Variants in CACNA1B observed in about 807,000 individuals in gnomAD.
CACNA1B encodes the protein voltage-dependent N-type calcium channel subunit alpha-1B.
A neutral mutation model predicts 247.2 loss-of-function variants in CACNA1B; 70 were observed. The ratio of observed to expected loss-of-function variants is 0.28; its 90% confidence interval spans 0.23 to 0.35. The LOEUF is 0.35. Ranked by LOEUF, CACNA1B falls within the 10% of genes least tolerant of loss-of-function variation. The pLI is 1.00. For missense variants in CACNA1B, 2,367 were observed against 3,197.4 expected, an observed-to-expected ratio of 0.74 and a Z score of 6.26; for synonymous variants, 1,231 against 1,294.4, an observed-to-expected ratio of 0.95 and a Z score of 1.05.
In CACNA1B at chr9:138,023,163, C is replaced by A; in HGVS notation, c.2420C>A (p.Pro807His). Reference sequence around the variant, plus strand: ...TTCGCCACTACGCGCCACCTGCGGCCCGACATGAAGACGCACCTGGACCGG... The same window carrying A: ...TTCGCCACTACGCGCCACCTGCGGCACGACATGAAGACGCACCTGGACCGG... ...LRFATTRHLR[P>H]DMKTHLDRPL... The change falls in exon 19 of 47, where the codon CCC becomes CAC. Residue 807 changes from proline to histidine, a missense_variant. By Grantham distance (77) the Pro-to-His change is moderately conservative. Coordinates refer to ENST00000371372, the MANE Select transcript of CACNA1B (RefSeq NM_000718.4). 6.5e-7 allele frequency: 1 copy of A among 1,535,072 alleles called. No homozygotes were observed. The highest frequency in any genetic ancestry group is 8.7e-7 in the Non-Finnish European group (1 of 1,148,726).
chr9:138,095,142 G>A (rs531824306), intron 36 of CACNA1B, among the ~76,000 whole-genome samples: 19 of 152,236 alleles, frequency 1.2e-4, no homozygotes, highest in South Asian at 2.1e-4. Flanking sequence ...ATTTTTGTAC[G>A]TCAAAGGACA....
At chr9:137,963,266 A>G (rs1474142423) in intron 10 of CACNA1B, among the ~76,000 whole-genome samples, 2 of 152,118 alleles carry the variant, frequency 1.3e-5, no homozygotes, top group African/African-American at 4.8e-5. Flanking sequence ...TTTTGAGCCC[A>G]TGTGTGTCTT....
intron 9 of CACNA1B, 68 bp downstream of exon 9, chr9:137,956,895 G>A: frequency 1.5e-6 from 2 of 1,316,454 alleles, no homozygotes; most frequent in Non-Finnish European, 2.2e-6. Context: ...GGTGACACGT[G>A]CCTGCTTGCA....
intron 32 of CACNA1B, among the ~76,000 whole-genome samples, chr9:138,070,498 C>A (rs975081410): frequency 1.3e-5 from 2 of 152,212 alleles, no homozygotes; most frequent in Non-Finnish European, 2.9e-5. Flanking sequence ...GCTGGGTCTT[C>A]AGGAATTTTA....
intron 3 of CACNA1B, among the ~76,000 whole-genome samples, chr9:137,894,833 T>C (rs1957155184): frequency 6.6e-6 from 1 of 152,222 alleles, no homozygotes; most frequent in African/African-American, 2.4e-5. Flanking sequence ...TGTAGCTTTT[T>C]TCTCCCATTT....
At chr9:137,879,904 C>G (rs1044267083) in intron 2 of CACNA1B, among the ~76,000 whole-genome samples, 4 of 152,148 alleles carry the variant, frequency 2.6e-5, no homozygotes, top group Non-Finnish European at 1.5e-5. Flanking sequence ...AGCCCCCACT[C>G]TTCCCTGATG....
At chr9:138,048,749 C>T (rs1418297494) in intron 23 of CACNA1B, among the ~76,000 whole-genome samples, 2 of 152,204 alleles carry the variant, frequency 1.3e-5, no homozygotes, top group Admixed American at 6.5e-5. Flanking sequence ...CAGGGTCTCA[C>T]TCTTGTCATC....
chr9:138,041,284 G>T (rs1166884342), intron 20 of CACNA1B, among the ~76,000 whole-genome samples: 1 of 152,148 alleles, frequency 6.6e-6, no homozygotes, highest in Non-Finnish European at 1.5e-5. Context: ...CCTCAGTTCA[G>T]CCTCAGTTTC....
intron 15 of CACNA1B, among the ~76,000 whole-genome samples, chr9:137,999,968 G>A (rs1381413264): frequency 6.6e-6 from 1 of 151,958 alleles, no homozygotes; most frequent in African/African-American, 2.4e-5. Flanking sequence ...GACTGATCAA[G>A]GGAAAAAAGC....
rs1958874060 is a variant in CACNA1B at position 138,023,336 on chromosome 9, G to A, written c.2593G>A (p.Asp865Asn). ...RDKDKTPAAG[D>N]QDRAEAPKAE... is the part of the protein sequence containing the mutation. ...CAAGGACAAGACCCCCGCGGCGGGG[G>A]ACCAGGACCGAGCAGAGGCCCCGAA... The change falls in exon 19 of 47, where the codon GAC becomes AAC. Residue 865 changes from aspartate to asparagine, a missense_variant. By Grantham distance (23) the Asp-to-Asn change is conservative. Coordinates refer to ENST00000371372, the MANE Select transcript of CACNA1B (RefSeq NM_000718.4). 2.7e-6 allele frequency: 4 copies of A among 1,486,018 alleles called. No homozygotes were observed. Among genetic ancestry groups the A allele is most frequent in the African/African-American group, 1.5e-5 (1 of 68,132 alleles). 92.1% of individuals were successfully genotyped at this position (1,486,018 alleles called of 1,614,324 possible). A position where few individuals can be genotyped will look rare whatever the true frequency, so the allele number is the denominator to read the frequency against.
intron 3 of CACNA1B, among the ~76,000 whole-genome samples, chr9:137,889,469 G>A (rs34859525): frequency 0.075 from 10,998 of 146,400 alleles, 1,290 homozygotes; most frequent in Admixed American, 0.13. Flanking sequence ...GAGAGCCCCC[G>A]TGTTCTGGGG....
chr9:138,005,871 G>A (rs926246210), intron 15 of CACNA1B, among the ~76,000 whole-genome samples: 2 of 151,950 alleles, frequency 1.3e-5, no homozygotes, highest in African/African-American at 2.4e-5. Context: ...GTGAAACCCC[G>A]TCTCTACTAA....
At chr9:138,042,769 C>T (rs1480674534) in intron 20 of CACNA1B, among the ~76,000 whole-genome samples, 1 of 152,182 alleles carries the variant, frequency 6.6e-6, no homozygotes, top group African/African-American at 2.4e-5. Flanking sequence ...TCATGCTCAC[C>T]TCGAAGCTTT....
intron 24 of CACNA1B, chr9:138,049,999 C>A: frequency 9.0e-7 from 1 of 1,109,872 alleles, no homozygotes; most frequent in Non-Finnish European, 1.2e-6. Context: ...GTCCACATCT[C>A]TCTGAGCGGC....
In CACNA1B at chr9:137,968,204, T is replaced by C. The variant is rs147115719; in HGVS notation, c.1334-3179T>C. On this transcript the variant is annotated intron_variant, in intron 10 of 46. Transcript: ENST00000371372. The stretch of plus-strand genomic sequence containing the variant: ...CCTCCACTGTTGGTTCAGGGTGGGC[T>C]TGGGGCCTGGGGCCTGGTGGGGAGG... Among the ~76,000 whole-genome samples the C allele has an allele frequency of 3.0e-4, 45 of 152,298 alleles. No homozygotes were observed. The East Asian group carries it at 8.5e-3, about 29-fold the overall frequency.
chr9:138,017,162 C>T (rs1958803167), intron 18 of CACNA1B: 1 of 518,968 alleles, frequency 1.9e-6, no homozygotes, highest in Non-Finnish European at 3.8e-6. Context: ...GCTCGAGGTA[C>T]TGTATCTCGC....
At chr9:137,992,603 A>G (rs1025568956) in intron 15 of CACNA1B, among the ~76,000 whole-genome samples, 14 of 152,276 alleles carry the variant, frequency 9.2e-5, no homozygotes, top group African/African-American at 3.1e-4. Context: ...ACAGGTATTT[A>G]CAGAGCATTC....
At position 138,050,338 on chromosome 9, in the gene CACNA1B, G is replaced by A. The variant is rs573969750; in HGVS notation, c.3710+1023G>A. Among the ~76,000 whole-genome samples, 62 of 152,344 alleles carry A rather than the reference G, an allele frequency of 4.1e-4. No homozygotes were observed. The highest frequency in any genetic ancestry group is 2.7e-3 in the South Asian group (13 of 4,828). On this transcript the variant is annotated intron_variant, in intron 24 of 46. Coordinates refer to ENST00000371372, the MANE Select transcript of CACNA1B (RefSeq NM_000718.4). The surrounding 1 kb of genome is among the most constrained non-coding windows in gnomAD (Gnocchi z 5.2). ...TGCTGGTGAGCAGGCTGTCACCAGC[G>A]AGGGCTGGAGGCTGGGGCCATTGGC... is the stretch of plus-strand genomic sequence containing the variant.
At chr9:138,009,754 G>A (rs974861637) in intron 16 of CACNA1B, among the ~76,000 whole-genome samples, 1 of 152,202 alleles carries the variant, frequency 6.6e-6, no homozygotes, top group Non-Finnish European at 1.5e-5. Context: ...GGCTCAGGTG[G>A]GCATTAGGGG....
Sources: allele counts gnomAD v4.1 joint callset (sites outside exome capture counted in the v4.1 genomes callset), GRCh38; gene constraint gnomAD v4.1.1; non-coding constraint Gnocchi (gnomAD v3.1); transcripts MANE v1.5; gene names NCBI Gene and HGNC (gene_info 2026-07-23, HGNC 2026-07-21).